Variants in THOC1 observed in about 807,000 individuals in gnomAD.
THOC1 encodes THO complex 1.
THOC1 carries 29 observed loss-of-function variants against 97.3 expected under a neutral mutation model. The ratio of observed to expected loss-of-function variants is 0.30; its 90% confidence interval spans 0.22 to 0.41. THOC1 has a LOEUF of 0.41. THOC1 is among the 10% of genes least tolerant of loss of function. The pLI, the probability that THOC1 is intolerant of heterozygous loss-of-function variation, is 1.00. For synonymous variants in THOC1, 255 were observed against 257.0 expected (o/e 0.99, Z 0.07); for missense variants, 529 against 761.9 (o/e 0.69, Z 3.60).
chr18:256,680 AT>A lies in THOC1; in HGVS notation c.521-2326del, dbSNP rs201047689. On this transcript the variant is annotated intron_variant, in intron 7 of 20. Transcript: ENST00000261600. The stretch of plus-strand genomic sequence containing the variant: ...ATGGTGCGATCTCGGCTTATTTTTT[AT>A]TTTTTTTCTGAGACAGAGTTTAGAA... 5.5e-3 allele frequency among the ~76,000 whole-genome samples: 841 copies of A among 151,840 alleles called. 5 individuals are homozygous for A. Among genetic ancestry groups the A allele is most frequent in the African/African-American group, 0.019 (782 of 41,394 alleles).
At chr18:266,601 G>A (rs1912777619) in intron 1 of THOC1, among the ~76,000 whole-genome samples, 1 of 145,610 alleles carries the variant, frequency 6.9e-6, no homozygotes, top group African/African-American at 2.6e-5. Context: ...GCACTGGCAT[G>A]ATCTTGGCTC....
At chr18:218,483 A>G (rs1823966369) in intron 18 of THOC1, among the ~76,000 whole-genome samples, 1 of 152,138 alleles carries the variant, frequency 6.6e-6, no homozygotes, top group South Asian at 2.1e-4. Context: ...GGAGTGGGCA[A>G]CGAGGGCAAA....
At chr18:223,362 G>C (rs1234329998) in intron 17 of THOC1, 78 bp downstream of exon 17, 1 of 1,196,548 alleles carries the variant, frequency 8.4e-7, no homozygotes, top group East Asian at 2.7e-5. Context: ...TTTGAGCTCT[G>C]ATCATAGCTG....
At chr18:258,942 T>C (rs1020211367) in intron 7 of THOC1, among the ~76,000 whole-genome samples, 3 of 152,146 alleles carry the variant, frequency 2.0e-5, no homozygotes, top group African/African-American at 4.8e-5. Flanking sequence ...TTCAGTGTGA[T>C]TCAACTTTAC....
At chr18:244,196 C>T (rs1377545366) in intron 11 of THOC1, 1 of 151,970 alleles carries the variant, frequency 6.6e-6, no homozygotes, top group East Asian at 1.9e-4. Context: ...TTAAGTTCCA[C>T]GTTAATAAAA....
chr18:260,204 A>AT lies in THOC1; in HGVS notation c.356dup (p.Asn119LysfsTer24). 6.4e-7 allele frequency: 1 copy of AT among 1,562,460 alleles called. No homozygotes were observed. The highest frequency in any genetic ancestry group is 1.2e-5 in the South Asian group (1 of 81,322). On this transcript the variant is annotated frameshift_variant, in exon 5 of 21. Transcript: ENST00000261600. LOFTEE classifies it high-confidence loss of function. Reference sequence around the variant, plus strand: ...CACTTACTGATTTCCAAGTAGCAACATTTTTTTCCACAAAAGTGAATATTG... The same window carrying AT: ...CACTTACTGATTTCCAAGTAGCAACATTTTTTTTCCACAAAAGTGAATATTG...
At position 259,106 on chromosome 18, in the gene THOC1, A is replaced by G. The variant is rs1912524020; in HGVS notation, c.520+74T>C. On this transcript the variant is annotated intron_variant, in intron 7 of 20. Coordinates refer to ENST00000261600, the MANE Select transcript of THOC1 (RefSeq NM_005131.3). ...TTTTAGAACCATTTTTCTCATTATC[A>G]TGACAGATTTTAATCTATTAAAAAC... 4 of 1,123,422 alleles carry G rather than the reference A, an allele frequency of 3.6e-6. No individual in the cohort carries two copies. In the South Asian group the frequency reaches 5.7e-5, roughly 16 times the overall value. The allele number at this position is 1,123,422 out of a possible 1,614,324, so 69.6% of individuals were successfully genotyped here.
At chr18:217,526 G>A (rs1240571990) in intron 18 of THOC1, among the ~76,000 whole-genome samples, 2 of 152,082 alleles carry the variant, frequency 1.3e-5, no homozygotes, top group Non-Finnish European at 2.9e-5. Context: ...TCTTTCAATC[G>A]ACAAACACTT....
rs1910844761 is a variant in THOC1 at position 215,430 on chromosome 18, T to C, written c.1677A>G (p.Glu559=). Residue 559 remains glutamate, a splice_region_variant and synonymous_variant, in exon 20 of 21, where the codon GAA becomes GAG. Transcript: ENST00000261600. ...EDNDALLKEN[E]SPDVRRDKPV... Reference sequence around the variant, plus strand: ...TAACCAAGAAAATTCAGTTCTTACTTTCATTTTCCTTCAGTAGAGCATCAT... The same window carrying C: ...TAACCAAGAAAATTCAGTTCTTACTCTCATTTTCCTTCAGTAGAGCATCAT... The C allele has an allele frequency of 6.2e-7, 1 of 1,612,698 alleles. No individual in the cohort carries two copies. Among genetic ancestry groups the C allele is most frequent in the Non-Finnish European group, 8.5e-7 (1 of 1,178,944 alleles).
At chr18:247,741 T>A in intron 10 of THOC1, 108 bp downstream of exon 10, 1 of 659,176 alleles carries the variant, frequency 1.5e-6, no homozygotes, top group Non-Finnish European at 2.6e-6. Context: ...TATAAAAATG[T>A]AAGAGGCAGA....
At chr18:216,022 C>T (rs1200358716) in intron 19 of THOC1, among the ~76,000 whole-genome samples, 1 of 152,202 alleles carries the variant, frequency 6.6e-6, no homozygotes, top group Admixed American at 6.5e-5. Context: ...GGCGAGATCT[C>T]GGCTCACTGC....
In THOC1 at chr18:265,449, T is replaced by C. The variant is rs745700255; in HGVS notation, c.128+8A>G. ...GGCAAGTATTTTTCATAGATATCAA[T>C]GCCTTACCTGCCAGGTACCTGGCTG... On this transcript the variant is annotated splice_region_variant and intron_variant, in intron 2 of 20. Transcript: ENST00000261600. 6 of 1,593,032 alleles carry C rather than the reference T, an allele frequency of 3.8e-6. No homozygotes were observed. The South Asian group carries it at 6.9e-5, about 18-fold the overall frequency.
Position 224,096 on chromosome 18 carries a change from AT to A in THOC1, c.1291del (p.Ile431PhefsTer2). On this transcript the variant is annotated frameshift_variant, in exon 16 of 21. Coordinates refer to ENST00000261600, the MANE Select transcript of THOC1 (RefSeq NM_005131.3). LOFTEE classifies it high-confidence loss of function. ...CAAATTCACCTACTTTCCCATCAGA[AT>A]TTTTTTGGTGGGTCCTTTCCCTAGG... ...DFLGKGPTKK[I>X]LMGNEELTRL... is the part of the protein sequence containing the mutation. The A allele has an allele frequency of 6.2e-7, 1 of 1,606,558 alleles. No individual in the cohort carries two copies. The highest frequency in any genetic ancestry group is 1.7e-5 in the Admixed American group (1 of 59,226).
In THOC1 at chr18:218,914, G is replaced by C; in HGVS notation, c.1426C>G (p.Pro476Ala). 4.4e-6 allele frequency: 7 copies of C among 1,604,774 alleles called. No individual in the cohort carries two copies. Among genetic ancestry groups the C allele is most frequent in the Non-Finnish European group, 6.0e-6 (7 of 1,174,928 alleles). The part of the protein sequence containing the change: ...FFEEAIEQAD[P>A]ENMVENEYKA... ...TATTCATTTTCCACCATATTTTCAG[G>C]GTCTGCCTGTTCAATGGCTTCTTCA... Residue 476 changes from proline to alanine, a missense_variant, in exon 18 of 21, where the codon CCT (proline) becomes GCT (alanine). By Grantham distance (27) the Pro-to-Ala change is conservative. Transcript: ENST00000261600.
chr18:219,454 G>T lies in THOC1; in HGVS notation c.1371-485C>A, dbSNP rs944332972. On this transcript the variant is annotated intron_variant, in intron 17 of 20. Coordinates refer to ENST00000261600, the MANE Select transcript of THOC1 (RefSeq NM_005131.3). ...ATTGTGGGCATGTGTTCCCTGAGCG[G>T]TACAAAATAACCAGTGAGGATGGCA... Among the ~76,000 whole-genome samples, 638 of 134,208 alleles carry T rather than the reference G, an allele frequency of 4.8e-3. 1 individual carries two copies. The highest frequency in any genetic ancestry group is 8.0e-3 in the Non-Finnish European group (508 of 63,252). 88.0% of individuals were successfully genotyped at this position (134,208 alleles called of 152,430 possible).
intron 9 of THOC1, among the ~76,000 whole-genome samples, chr18:249,104 C>A (rs1912192165): frequency 1.3e-5 from 2 of 152,110 alleles, no homozygotes; most frequent in Admixed American, 1.3e-4. Context: ...GTATCTGAAG[C>A]ACGTGAAAAT....
At chr18:223,365 C>A in intron 17 of THOC1, 75 bp downstream of exon 17, 1 of 1,227,528 alleles carries the variant, frequency 8.1e-7, no homozygotes, top group Admixed American at 2.3e-5. Context: ...GAGCTCTGAT[C>A]ATAGCTGAGA....
intron 4 of THOC1, chr18:261,014 A>G (rs1302053393): frequency 6.6e-6 from 1 of 152,190 alleles, no homozygotes; most frequent in Non-Finnish European, 1.5e-5. Flanking sequence ...ATGTTTTGTA[A>G]TGTTGCTAAA....
intron 10 of THOC1, among the ~76,000 whole-genome samples, chr18:246,692 C>A (rs1478858579): frequency 6.6e-6 from 1 of 151,928 alleles, no homozygotes; most frequent in Non-Finnish European, 1.5e-5. Context: ...AATATAATTT[C>A]TTGGCCAGTG....
Sources: allele counts gnomAD v4.1 joint callset (sites outside exome capture counted in the v4.1 genomes callset), GRCh38; gene constraint gnomAD v4.1.1; transcripts MANE v1.5; gene names NCBI Gene and HGNC (gene_info 2026-07-23, HGNC 2026-07-21).